RICTOR: variants seen among roughly 807,000 people sequenced by gnomAD.
RICTOR encodes rapamycin-insensitive companion of mTOR.
RICTOR carries 49 observed loss-of-function variants against 214.9 expected under a neutral mutation model. The observed-to-expected ratio is 0.23, with a 90% confidence interval of 0.18 to 0.29. The LOEUF is 0.29. Among genes scored for constraint, RICTOR ranks in the 10% least tolerant of loss-of-function variants. The pLI is 1.00. For synonymous variants in RICTOR, 717 were observed against 711.3 expected (o/e 1.01, Z -0.13); for missense variants, 1,625 against 2,047.0 (o/e 0.79, Z 3.98).
chr5:39,020,318 GA>G (rs1561539836), intron 3 of RICTOR, among the ~76,000 whole-genome samples: 1 of 152,162 alleles, frequency 6.6e-6, no homozygotes, highest in African/African-American at 2.4e-5. Context: ...ATGCTACGGA[GA>G]AATCTTTCGT....
chr5:38,956,596 G>A (rs916664057), intron 25 of RICTOR, among the ~76,000 whole-genome samples: 3 of 151,890 alleles, frequency 2.0e-5, no homozygotes, highest in Non-Finnish European at 4.4e-5. Context: ...TCACATCTAC[G>A]GCTCCTATTC....
chr5:39,036,155 G>A (rs1225423408), intron 2 of RICTOR, among the ~76,000 whole-genome samples: 2 of 152,118 alleles, frequency 1.3e-5, no homozygotes, highest in South Asian at 2.1e-4. Flanking sequence ...GAGTGGGGCC[G>A]AATATTCAAC....
chr5:38,996,140 T>C (rs1753161550), intron 6 of RICTOR, among the ~76,000 whole-genome samples: 1 of 152,212 alleles, frequency 6.6e-6, no homozygotes. Context: ...AACAAACATA[T>C]ACTTCATGAT....
intron 2 of RICTOR, among the ~76,000 whole-genome samples, chr5:39,066,367 A>G (rs541656718): frequency 2.0e-5 from 3 of 152,318 alleles, no homozygotes; most frequent in African/African-American, 7.2e-5. Context: ...CAGGCCCACA[A>G]AACCATTCTT....
chr5:39,057,601 C>T (rs1274407036), intron 2 of RICTOR, among the ~76,000 whole-genome samples: 3 of 152,034 alleles, frequency 2.0e-5, no homozygotes, highest in Non-Finnish European at 1.5e-5. Context: ...TAAAAATATA[C>T]ATTTACTGCA....
Position 38,960,758 on chromosome 5 carries a change from A to G in RICTOR, c.1716-225T>C, listed in dbSNP as rs552713224. Reference sequence around the variant, plus strand: ...GTAGTTCCCATAATCCCCACATGTCATGAAAGGGACCTCATGAGAGGAGAT... The same window carrying G: ...GTAGTTCCCATAATCCCCACATGTCGTGAAAGGGACCTCATGAGAGGAGAT... On this transcript the variant is annotated intron_variant, in intron 19 of 37. Transcript: ENST00000357387. 1.6e-3 allele frequency among the ~76,000 whole-genome samples: 246 copies of G among 151,298 alleles called. 2 individuals carry two copies. The highest frequency in any genetic ancestry group is 2.2e-3 in the Non-Finnish European group (146 of 67,782).
At chr5:38,958,601 T>C in intron 23 of RICTOR, 66 bp downstream of exon 23, 1 of 1,513,714 alleles carries the variant, frequency 6.6e-7, no homozygotes, top group Non-Finnish European at 9.0e-7. Flanking sequence ...TATATACTTT[T>C]ACATAATTGT....
At position 38,962,251 on chromosome 5, in the gene RICTOR, G is replaced by A; in HGVS notation, c.1715+64C>T. 3 of 684,410 alleles carry A rather than the reference G, an allele frequency of 4.4e-6. No individual in the cohort carries two copies. In the South Asian group the frequency reaches 6.5e-5, roughly 15 times the overall value. The allele number at this position is 684,410 out of a possible 1,614,324, so 42.4% of individuals were successfully genotyped here. On this transcript the variant is annotated intron_variant, in intron 19 of 37. Coordinates refer to ENST00000357387, the MANE Select transcript of RICTOR (RefSeq NM_152756.5). ...TTTAAAATTATTACATATTTTAGCA[G>A]GTATTAGGCCTAATATCCATATTTA...
In RICTOR at chr5:38,964,905, A is replaced by G. The variant is rs1338824467; in HGVS notation, c.1300-13T>C. The G allele has an allele frequency of 5.3e-6, 8 of 1,510,410 alleles. No homozygotes were observed. In the Admixed American group the frequency reaches 6.8e-5, roughly 13 times the overall value. The allele number at this position is 1,510,410 out of a possible 1,614,324, so 93.6% of individuals were successfully genotyped here. The stretch of plus-strand genomic sequence containing the variant: ...GAATTGTGTTTGCCTAAAATGAAGC[A>G]TAACATTTTACATGAGTTTTCAGAA... On this transcript the variant is annotated splice_polypyrimidine_tract_variant and intron_variant, in intron 15 of 37. Coordinates refer to ENST00000357387, the MANE Select transcript of RICTOR (RefSeq NM_152756.5).
At chr5:39,064,912 G>C (rs1172669184) in intron 2 of RICTOR, among the ~76,000 whole-genome samples, 1 of 152,146 alleles carries the variant, frequency 6.6e-6, no homozygotes, top group Non-Finnish European at 1.5e-5. Flanking sequence ...GCATTTTAGA[G>C]GTGAGGAAAT....
rs2112784568 is a variant in RICTOR at position 38,942,859 on chromosome 5, A to C, written c.5026T>G (p.Leu1676Val). The part of the protein sequence containing the change: ...RLPCRRFIQE[L>V]FQDVQFLQMH... ...TGTAGAAACTGTACATCTTGAAATA[A>C]TTCTTGTATGAACCTCCGACACGGA... Residue 1676 changes from leucine to valine, a missense_variant, in exon 37 of 38, where the codon TTA (leucine) becomes GTA (valine). Coordinates refer to ENST00000357387, the MANE Select transcript of RICTOR (RefSeq NM_152756.5). 1 of 1,611,208 alleles carries C rather than the reference A, an allele frequency of 6.2e-7. No individual in the cohort carries two copies. Among genetic ancestry groups the C allele is most frequent in the Admixed American group, 1.7e-5 (1 of 60,012 alleles).
intron 2 of RICTOR, among the ~76,000 whole-genome samples, chr5:39,024,852 T>C (rs1755691522): frequency 6.6e-6 from 1 of 152,220 alleles, no homozygotes; most frequent in African/African-American, 2.4e-5. Context: ...ACAATCTTGT[T>C]ACAAAGCAAA....
chr5:38,942,339 T>C lies in RICTOR; in HGVS notation c.5092A>G (p.Lys1698Glu), dbSNP rs1235000900. 4.4e-6 allele frequency: 7 copies of C among 1,599,052 alleles called. No homozygotes were observed. Among genetic ancestry groups the C allele is most frequent in the Non-Finnish European group, 6.0e-6 (7 of 1,170,164 alleles). ...EAEAVLATPP[K>E]QPIVDTSAES ...GCAGATGTATCAACTATAGGTTGCT[T>C]TGGTGGTGTTGCCAACACAGCCTCT... The change falls in exon 38 of 38, where the codon AAG becomes GAG. Residue 1698 changes from lysine (K) to glutamate (E), a missense_variant. Transcript: ENST00000357387.
At chr5:38,977,592 C>CTTTT (rs34467191) in intron 9 of RICTOR, among the ~76,000 whole-genome samples, 34 of 83,224 alleles carry the variant, frequency 4.1e-4, no homozygotes, top group East Asian at 7.1e-4. Context: ...TATGAAACCA[C>CTTTT]TTTTTTTTTT....
intron 3 of RICTOR, among the ~76,000 whole-genome samples, 158 bp from the exon 4 acceptor site, chr5:39,003,780 C>G (rs1753823750): frequency 6.6e-6 from 1 of 152,070 alleles, no homozygotes; most frequent in African/African-American, 2.4e-5. Context: ...TTTGTATCAT[C>G]TATTTCTCAT....
chr5:39,002,691 A>C, intron 4 of RICTOR, 25 bp from the exon 5 acceptor site: 1 of 1,582,074 alleles, frequency 6.3e-7, no homozygotes, highest in Non-Finnish European at 8.6e-7. Context: ...ACAAAATACA[A>C]GTTTTGCTGC....
Position 38,950,487 on chromosome 5 carries a change from A to G in RICTOR, c.3361T>C (p.Ser1121Pro), listed in dbSNP as rs1748660561. The G allele has an allele frequency of 1.9e-6, 3 of 1,613,386 alleles. No individual in the cohort carries two copies. Among genetic ancestry groups the G allele is most frequent in the Admixed American group, 1.7e-5 (1 of 59,884 alleles). ...SSSDPKGGKL[S>P]SESKTSNRRI... ...CTGTTGCTTGTCTTACTTTCAGATG[A>G]TAATTTCCCTCCTTTTGGATCACTG... The change falls in exon 31 of 38, where the codon TCA becomes CCA. Residue 1121 changes from serine (S) to proline (P), a missense_variant. This residue lies in a region of RICTOR where 1,214 missense variants were observed against 1,470.5 expected (regional missense o/e 0.83). Transcript: ENST00000357387.
intron 2 of RICTOR, among the ~76,000 whole-genome samples, chr5:39,068,370 A>C (rs1759053344): frequency 6.6e-6 from 1 of 152,204 alleles, no homozygotes; most frequent in Non-Finnish European, 1.5e-5. Flanking sequence ...AACTCTCCCC[A>C]ATCCTCTCTG....
At chr5:39,014,036 G>A (rs952929160) in intron 3 of RICTOR, among the ~76,000 whole-genome samples, 5 of 151,910 alleles carry the variant, frequency 3.3e-5, no homozygotes, top group African/African-American at 1.2e-4. Flanking sequence ...TGTTAAAACT[G>A]CCTACAGTAT....
Sources: gnomAD v4.1 joint callset for allele counts (sites outside exome capture counted in the v4.1 genomes callset) on GRCh38, gnomAD v4.1.1 for gene constraint, gnomAD v4.1.1 regional missense constraint, MANE v1.5 for transcripts, NCBI Gene and HGNC (gene_info 2026-07-23, HGNC 2026-07-21) for gene names.